The following MCM7 variants were observed in gnomAD, a reference collection of about 807,000 sequenced individuals.
MCM7 encodes minichromosome maintenance complex component 7, also known as DNA replication licensing factor MCM7.
MCM7 carries 95 observed loss-of-function variants against 83.5 expected under a neutral mutation model. The ratio of observed to expected loss-of-function variants is 1.14; its 90% CI spans 0.96 to 1.35. MCM7 has a LOEUF of 1.35. Ranked by LOEUF, MCM7 falls within the 40% of genes most tolerant of loss-of-function variation. The probability of loss-of-function intolerance (pLI) is 0.00; values close to 1 mark genes in which losing one functional copy is unlikely to be tolerated. For synonymous variants in MCM7, 461 were observed against 352.7 expected (o/e 1.31, Z -3.44); for missense variants, 1,087 against 957.4 (o/e 1.14, Z -1.79).
chr7:100,093,053 G>A lies in MCM7; in HGVS notation c.2039C>T (p.Ala680Val). 1 of 1,614,244 alleles carries A rather than the reference G, an allele frequency of 6.2e-7. No homozygotes were observed. Residue 680 changes from alanine (A) to valine (V), a missense_variant, in exon 15 of 15, where the codon GCA (alanine) becomes GTA (valine). By Grantham distance (64) the Ala-to-Val change is moderately conservative (BLOSUM62 0). Transcript: ENST00000303887. Reference sequence around the variant, plus strand: ...GCCACGAGATACACAGCGCTGCTCTGCCTCAGAGAACCGGACACTTCGGCC... The same window carrying A: ...GCCACGAGATACACAGCGCTGCTCTACCTCAGAGAACCGGACACTTCGGCC... ...SGGRSVRFSE[A>V]EQRCVSRGFT...
intron 1 of MCM7, chr7:100,101,018 G>A (rs973154234): frequency 2.7e-5 from 21 of 778,130 alleles, no homozygotes; most frequent in Non-Finnish European, 3.3e-5. Context: ...GCGCCCCCAA[G>A]CCCCCAACCC....
At chr7:100,097,512 G>GCT in intron 9 of MCM7, 102 bp downstream of exon 9, 1 of 1,585,482 alleles carries the variant, frequency 6.3e-7, no homozygotes, top group East Asian at 2.2e-5. Context: ...GTCCACGAAG[G>GCT]CAAGATGTCC....
intron 2 of MCM7, 124 bp from the exon 3 acceptor site, chr7:100,099,877 G>A: frequency 1.4e-6 from 2 of 1,439,610 alleles, no homozygotes; most frequent in Non-Finnish European, 1.9e-6. Context: ...GGAGAACGCA[G>A]CGCCACACAG....
chr7:100,099,436 AG>A lies in MCM7; in HGVS notation c.277-34del, dbSNP rs774523532. 2,928 of 1,549,632 alleles carry A rather than the reference AG, an allele frequency of 1.9e-3. 8 individuals are homozygous for A. The highest frequency in any genetic ancestry group is 2.4e-3 in the Non-Finnish European group (2,684 of 1,138,334). On this transcript the variant is annotated intron_variant, in intron 3 of 14. Coordinates refer to ENST00000303887, the MANE Select transcript of MCM7 (RefSeq NM_005916.5). ...AGAAGAACAAAAAAAAAAAAAAAAAAGAGCAACAGGATGGGGAAAGGAGAGC... is the reference window on the plus strand; with the variant it reads ...AGAAGAACAAAAAAAAAAAAAAAAAAAGCAACAGGATGGGGAAAGGAGAGC...
rs1795726727 is a variant in MCM7, at chr7:100,097,878, G to A, written c.941C>T (p.Ser314Phe). 4 of 1,614,014 alleles carry A rather than the reference G, an allele frequency of 2.5e-6. No homozygotes were observed. The highest frequency in any genetic ancestry group is 1.3e-5 in the African/African-American group (1 of 74,904). The change falls in exon 8 of 15, where the codon TCT becomes TTT. Residue 314 changes from serine (S) to phenylalanine (F), a missense_variant. By Grantham distance (155) the Ser-to-Phe change is radical (BLOSUM62 -2). Transcript: ENST00000303887. ...CTCCCTGGTGAGCTCTCCAGCCCCAGACTCATCATCCTCACTCTTGTTCAT... is the reference window on the plus strand; with the variant it reads ...CTCCCTGGTGAGCTCTCCAGCCCCAAACTCATCATCCTCACTCTTGTTCAT... ...VKMNKSEDDE[S>F]GAGELTREEL... is the part of the protein sequence containing the mutation.
chr7:100,099,678 C>A lies in MCM7; in HGVS notation c.187G>T (p.Val63Leu). ...CTGGCATTCTCACAAATTGAGTCCACCAACTCGGGGTCATCCTCGGCTACG... is the reference window on the plus strand; with the variant it reads ...CTGGCATTCTCACAAATTGAGTCCAACAACTCGGGGTCATCCTCGGCTACG... ...DDVAEDDPEL[V>L]DSICENARRY... Residue 63 changes from valine (V) to leucine (L), a missense_variant, in exon 3 of 15, where the codon GTG (valine) becomes TTG (leucine). By Grantham distance (32) the Val-to-Leu change is conservative. Transcript: ENST00000303887. 1 of 1,614,246 alleles carries A rather than the reference C, an allele frequency of 6.2e-7. No homozygotes were observed. Among genetic ancestry groups the A allele is most frequent in the Non-Finnish European group, 8.5e-7 (1 of 1,180,046 alleles).
chr7:100,093,628 CCT>C, intron 13 of MCM7: 2 of 755,496 alleles, frequency 2.6e-6, no homozygotes, highest in East Asian at 2.5e-5. Context: ...CAAGTCTCCG[CCT>C]CTCAACACTG....
chr7:100,097,323 G>T lies in MCM7; in HGVS notation c.1179C>A (p.Tyr393Ter), dbSNP rs771836464. ...PGVAKSQLLSYIDRLAPRSQY... is the reference protein window; with the variant it reads ...PGVAKSQLLS Reference sequence around the variant, plus strand: ...TACTGCGAGGCGCCAGTCGATCAATGTATGACAGGAGCTGAGACTTGGCCA... The same window carrying T: ...TACTGCGAGGCGCCAGTCGATCAATTTATGACAGGAGCTGAGACTTGGCCA... The change falls in exon 10 of 15, where the codon TAC (tyrosine) becomes TAA (stop). Residue 393 changes from tyrosine (Y) to a stop codon, truncating the protein, a stop_gained. Coordinates refer to ENST00000303887, the MANE Select transcript of MCM7 (RefSeq NM_005916.5). LOFTEE classifies it high-confidence loss of function. 1.9e-6 allele frequency: 3 copies of T among 1,614,038 alleles called. No homozygotes were observed. In the South Asian group the frequency reaches 3.3e-5, roughly 18 times the overall value.
chr7:100,097,229 C>G (rs569068232), intron 10 of MCM7, 72 bp downstream of exon 10: 436 of 1,350,460 alleles, frequency 3.2e-4, no homozygotes, highest in Non-Finnish European at 6.7e-5. Context: ...AAACATGCAC[C>G]CCTACTTTTT....
chr7:100,093,262 C>T (rs1172779455), intron 14 of MCM7, 30 bp downstream of exon 14: 1 of 1,598,860 alleles, frequency 6.3e-7, no homozygotes, highest in Non-Finnish European at 8.6e-7. Context: ...GACAAAGTGA[C>T]ACAGCTTTGT....
Position 100,093,015 on chromosome 7 carries a change from G to C in MCM7, c.2077C>G (p.Gln693Glu), listed in dbSNP as rs1345900795. ...RCVSRGFTPA[Q>E]FQAALDEYEE... ...TATTCATCCAGAGCCGCCTGGAACT[G>C]GGCGGGTGTGAAGCCACGAGATACA... is the stretch of plus-strand genomic sequence containing the variant. Residue 693 changes from glutamine to glutamate, a missense_variant, in exon 15 of 15, where the codon CAG becomes GAG. Coordinates refer to ENST00000303887, the MANE Select transcript of MCM7 (RefSeq NM_005916.5). 3 of 1,614,108 alleles carry C rather than the reference G, an allele frequency of 1.9e-6. No individual in the cohort carries two copies. In the East Asian group the frequency reaches 6.7e-5, roughly 36 times the overall value.
At chr7:100,098,747 C>G (rs1534309) in intron 5 of MCM7, 32 bp from the exon 6 acceptor site, 1,305,958 of 1,611,138 alleles carry the variant, frequency 0.81, 530,154 homozygotes, top group Middle Eastern at 0.91. Flanking sequence ...ACCAAAGGAA[C>G]TCAGAAGGAA....
At chr7:100,100,686 C>A in intron 1 of MCM7, 6 of 990,080 alleles carry the variant, frequency 6.1e-6, no homozygotes, top group Non-Finnish European at 7.2e-6. Context: ...AGCTCCGGAT[C>A]CCAGGCACGC....
At chr7:100,096,826 GGT>G (rs1433738800) in intron 10 of MCM7, among the ~76,000 whole-genome samples, 1 of 152,054 alleles carries the variant, frequency 6.6e-6, no homozygotes, top group Admixed American at 6.5e-5. Flanking sequence ...TTTTAGGCCG[GGT>G]GCGGTGGCTC....
rs751881096 is a variant in MCM7, at chr7:100,093,065, C to T, written c.2027G>A (p.Arg676Gln). 40 of 1,614,104 alleles carry T rather than the reference C, an allele frequency of 2.5e-5. No homozygotes were observed. Among genetic ancestry groups the T allele is most frequent in the Non-Finnish European group, 3.1e-5 (37 of 1,180,040 alleles). Residue 676 changes from arginine to glutamine, a missense_variant, in exon 15 of 15, where the codon CGG becomes CAG. Coordinates refer to ENST00000303887, the MANE Select transcript of MCM7 (RefSeq NM_005916.5). ...ACAGCGCTGCTCTGCCTCAGAGAACCGGACACTTCGGCCCCCTGAGACCAG... is the reference window on the plus strand; with the variant it reads ...ACAGCGCTGCTCTGCCTCAGAGAACTGGACACTTCGGCCCCCTGAGACCAG... The part of the protein sequence containing the change: ...RELVSGGRSV[R>Q]FSEAEQRCVS...
Position 100,097,332 on chromosome 7 carries a change from G to C in MCM7, c.1170C>G (p.Leu390=). The change falls in exon 10 of 15, where the codon CTC becomes CTG. Residue 390 remains leucine (L), a synonymous_variant. Transcript: ENST00000303887. ...GCGCCAGTCGATCAATGTATGACAGGAGCTGAGACTTGGCCACACCAGGAT... is the reference window on the plus strand; with the variant it reads ...GCGCCAGTCGATCAATGTATGACAGCAGCTGAGACTTGGCCACACCAGGAT... ...MGDPGVAKSQ[L]LSYIDRLAPR... 1 of 1,614,184 alleles carries C rather than the reference G, an allele frequency of 6.2e-7. No individual in the cohort carries two copies. The highest frequency in any genetic ancestry group is 8.5e-7 in the Non-Finnish European group (1 of 1,180,040).
intron 1 of MCM7, chr7:100,100,891 G>A (rs1795976121): frequency 3.8e-6 from 4 of 1,051,718 alleles, no homozygotes; most frequent in African/African-American, 1.7e-5. Context: ...GGAGGGCGCG[G>A]GAACCTGGGA....
intron 12 of MCM7, among the ~76,000 whole-genome samples, chr7:100,094,933 G>C (rs772935607): frequency 2.0e-5 from 3 of 152,166 alleles, no homozygotes; most frequent in Admixed American, 6.5e-5. Context: ...TGTGGGCCAG[G>C]AGCAGTGGTT....
rs1181704393 is a variant in MCM7, at chr7:100,092,926, C to T, written c.*6G>A. The stretch of plus-strand genomic sequence containing the variant: ...AGAGGACCCCAGGGTTGCAAGCAGG[C>T]TGGAATCAGACAAAAGTGATCCGTG... On this transcript the variant is annotated 3_prime_UTR_variant, in exon 15 of 15. Transcript: ENST00000303887. 3.1e-6 allele frequency: 5 copies of T among 1,614,090 alleles called. No homozygotes were observed. In the Admixed American group the frequency reaches 5.0e-5, roughly 16 times the overall value.
Sources: gnomAD v4.1 joint callset for allele counts (sites outside exome capture counted in the v4.1 genomes callset) on GRCh38, gnomAD v4.1.1 for gene constraint, MANE v1.5 for transcripts, NCBI Gene and HGNC (gene_info 2026-07-23, HGNC 2026-07-21) for gene names.